Variants in ARHGEF17 observed in about 807,000 individuals in gnomAD.
The protein encoded by ARHGEF17 is Rho guanine nucleotide exchange factor 17, also known as 164 kDa Rho-specific guanine-nucleotide exchange factor.
A neutral mutation model predicts 174.0 loss-of-function variants in ARHGEF17; 80 were observed. That is an observed-to-expected ratio of 0.46 (90% confidence interval 0.38 to 0.55). The LOEUF (loss-of-function observed/expected upper bound fraction) is 0.55. Ranked by LOEUF, ARHGEF17 falls within the 20% of genes least tolerant of loss-of-function variation. ARHGEF17 has a pLI of 0.00. For missense variants in ARHGEF17, 2,886 were observed against 2,839.7 expected (o/e 1.02, Z -0.37); for synonymous variants, 1,311 against 1,189.1 (o/e 1.10, Z -2.11).
intron 1 of ARHGEF17, among the ~76,000 whole-genome samples, chr11:73,333,581 G>A (rs1361312142): frequency 6.6e-6 from 1 of 152,252 alleles, no homozygotes; most frequent in Non-Finnish European, 1.5e-5. Flanking sequence ...TGCCTGGTGT[G>A]ATGGGAGGGG....
Position 73,360,452 on chromosome 11 carries a change from G to C in ARHGEF17, c.4339G>C (p.Asp1447His), listed in dbSNP as rs754857828. ...ELCATRPEGT[D>H]SYIFEFPHPD... ...GTGCGCCACTCGGCCCGAGGGCACC[G>C]ACTCCTACATTTTTGAGTTCCCTCA... The change falls in exon 11 of 21, where the codon GAC (aspartate) becomes CAC (histidine). Residue 1447 changes from aspartate to histidine, a missense_variant. By Grantham distance (81) the Asp-to-His change is moderately conservative. This residue lies in a region of ARHGEF17 where 476 missense variants were observed against 473.1 expected (regional missense o/e 1.01). Transcript: ENST00000263674. 2 of 1,613,938 alleles carry C rather than the reference G, an allele frequency of 1.2e-6. No homozygotes were observed. The highest frequency in any genetic ancestry group is 2.7e-5 in the African/African-American group (2 of 74,952).
Position 73,310,441 on chromosome 11 carries a change from G to C in ARHGEF17, c.1803G>C (p.Lys601Asn). 1 of 1,614,012 alleles carries C rather than the reference G, an allele frequency of 6.2e-7. No homozygotes were observed. The highest frequency in any genetic ancestry group is 8.5e-7 in the Non-Finnish European group (1 of 1,180,028). Residue 601 changes from lysine to asparagine, a missense_variant, in exon 1 of 21, where the codon AAG (lysine) becomes AAC (asparagine). This residue lies in a region of ARHGEF17 where 1,728 missense variants were observed against 1,461.2 expected (regional missense o/e 1.18). Coordinates refer to ENST00000263674, the MANE Select transcript of ARHGEF17 (RefSeq NM_014786.4). ...AGGAGGCCCGCCAGGTTTTTGAGAA[G>C]ATCCAGCGCATGGGTGCCCAACAAG... Reference protein sequence around the residue: ...YVQEARQVFEKIQRMGAQQDD... With the variant: ...YVQEARQVFENIQRMGAQQDD...
intron 1 of ARHGEF17, among the ~76,000 whole-genome samples, chr11:73,320,054 A>G (rs1864991087): frequency 6.6e-6 from 1 of 150,482 alleles, no homozygotes; most frequent in African/African-American, 2.5e-5. Flanking sequence ...CTGAGGGCAG[A>G]ACTGAGAGCC....
At chr11:73,337,966 A>G (rs1175973748) in intron 1 of ARHGEF17, among the ~76,000 whole-genome samples, 2 of 152,170 alleles carry the variant, frequency 1.3e-5, no homozygotes, top group East Asian at 1.9e-4. Flanking sequence ...CTGAGGCTCT[A>G]AGGAGCTCTC....
chr11:73,360,579 C>T (rs1369539154), intron 11 of ARHGEF17, 46 bp downstream of exon 11: 1 of 1,599,178 alleles, frequency 6.3e-7, no homozygotes, highest in African/African-American at 1.3e-5. Flanking sequence ...AGCTTCCAGG[C>T]AGGAGGCCAG....
Position 73,310,636 on chromosome 11 carries a change from G to A in ARHGEF17, c.1998G>A (p.Gly666=). 1 of 1,614,120 alleles carries A rather than the reference G, an allele frequency of 6.2e-7. No homozygotes were observed. Among genetic ancestry groups the A allele is most frequent in the East Asian group, 2.2e-5 (1 of 44,884 alleles). The change falls in exon 1 of 21, where the codon GGG becomes GGA. Residue 666 remains glycine, a synonymous_variant. Transcript: ENST00000263674. ...VAAFCGLGTT[G]MWRPLSSSSA... is the part of the protein sequence containing the mutation. ...CATTTTGCGGCCTGGGTACCACAGGGATGTGGCGACCTCTTTCCTCATCCT... is the reference window on the plus strand; with the variant it reads ...CATTTTGCGGCCTGGGTACCACAGGAATGTGGCGACCTCTTTCCTCATCCT...
intron 1 of ARHGEF17, among the ~76,000 whole-genome samples, chr11:73,338,211 A>C (rs937410347): frequency 1.3e-5 from 2 of 152,112 alleles, no homozygotes; most frequent in Non-Finnish European, 2.9e-5. Flanking sequence ...TGGGAAGAAG[A>C]CAGAGTCCTC....
chr11:73,367,631 C>T lies in ARHGEF17; in HGVS notation c.6043C>T (p.Arg2015Ter). ...SLEHRDSPWH[R>*]GPAPARPKML... ...GGAGCACCGGGACTCCCCTTGGCACCGAGGCCCCGCCCCTGCCAGGCCTAA... is the reference window on the plus strand; with the variant it reads ...GGAGCACCGGGACTCCCCTTGGCACTGAGGCCCCGCCCCTGCCAGGCCTAA... Residue 2015 changes from arginine (R) to a stop codon, truncating the protein, a stop_gained, in exon 21 of 21, where the codon CGA becomes TGA. Transcript: ENST00000263674. LOFTEE classifies it high-confidence loss of function. 3 of 1,613,918 alleles carry T rather than the reference C, an allele frequency of 1.9e-6. No individual in the cohort carries two copies. Among genetic ancestry groups the T allele is most frequent in the Non-Finnish European group, 1.7e-6 (2 of 1,179,946 alleles).
In ARHGEF17 at chr11:73,311,772, C is replaced by T; in HGVS notation, c.3134C>T (p.Ala1045Val). Reference sequence around the variant, plus strand: ...TCTGCTGAGGCCAAGCCCCCTGAGGCAGCTCGGCCTGCAGATGAGCCTACC... The same window carrying T: ...TCTGCTGAGGCCAAGCCCCCTGAGGTAGCTCGGCCTGCAGATGAGCCTACC... ...PPSAEAKPPEAARPADEPTPA... is the reference protein window; with the variant it reads ...PPSAEAKPPEVARPADEPTPA... The change falls in exon 1 of 21, where the codon GCA (alanine) becomes GTA (valine). Residue 1045 changes from alanine (A) to valine (V), a missense_variant. This residue lies in a region of ARHGEF17 where 1,728 missense variants were observed against 1,461.2 expected (regional missense o/e 1.18). Transcript: ENST00000263674. The T allele has an allele frequency of 3.1e-6, 5 of 1,612,294 alleles. No homozygotes were observed. Among genetic ancestry groups the T allele is most frequent in the Non-Finnish European group, 4.2e-6 (5 of 1,179,430 alleles).
rs1864932443 is a variant in ARHGEF17, at chr11:73,316,593, T to C, written c.3192+4763T>C. Among the ~76,000 whole-genome samples the C allele has an allele frequency of 2.6e-5, 4 of 152,318 alleles. No homozygotes were observed. In the South Asian group the frequency reaches 6.2e-4, roughly 24 times the overall value. The stretch of plus-strand genomic sequence containing the variant: ...CAGGTGGCTGAGGGAAACAGCATTC[T>C]GGGCAGAGAGGAACAGCAGATGCAA... On this transcript the variant is annotated intron_variant, in intron 1 of 20. Coordinates refer to ENST00000263674, the MANE Select transcript of ARHGEF17 (RefSeq NM_014786.4).
rs371621703 is a variant in ARHGEF17 at position 73,311,164 on chromosome 11, C to T, written c.2526C>T (p.Phe842=). Residue 842 remains phenylalanine (F), a synonymous_variant, in exon 1 of 21, where the codon TTC becomes TTT. Coordinates refer to ENST00000263674, the MANE Select transcript of ARHGEF17 (RefSeq NM_014786.4). The part of the protein sequence containing the change: ...SRRGELAGPG[F]EGPGGEPIRE... The stretch of plus-strand genomic sequence containing the variant: ...GTGGGGAGCTGGCTGGGCCTGGATT[C>T]GAGGGCCCTGGAGGGGAGCCCATCC... 1.8e-5 allele frequency: 28 copies of T among 1,595,550 alleles called. No individual in the cohort carries two copies. The highest frequency in any genetic ancestry group is 6.7e-5 in the East Asian group (3 of 44,574).
intron 1 of ARHGEF17, among the ~76,000 whole-genome samples, chr11:73,333,182 A>G (rs1389426262): frequency 1.3e-5 from 2 of 152,196 alleles, no homozygotes; most frequent in Admixed American, 6.5e-5. Context: ...ACAAGACTAG[A>G]AAGACCCTGA....
At chr11:73,325,395 G>A (rs190862681) in intron 1 of ARHGEF17, among the ~76,000 whole-genome samples, 54 of 152,326 alleles carry the variant, frequency 3.5e-4, no homozygotes, top group Non-Finnish European at 6.5e-4. Context: ...TTGGGCTGGA[G>A]ATGTAGAGAG....
chr11:73,325,072 GC>G (rs1444828309), intron 1 of ARHGEF17, among the ~76,000 whole-genome samples: 1 of 152,134 alleles, frequency 6.6e-6, no homozygotes, highest in Non-Finnish European at 1.5e-5. Context: ...AGACAGGCAG[GC>G]CAGGCAGTGC....
chr11:73,343,850 C>T (rs1865416409), intron 1 of ARHGEF17, among the ~76,000 whole-genome samples: 1 of 152,160 alleles, frequency 6.6e-6, no homozygotes, highest in Admixed American at 6.5e-5. Context: ...GTAATTCTGT[C>T]CCCTCCCCGT....
Position 73,309,112 on chromosome 11 carries a change from G to A in ARHGEF17, c.474G>A (p.Trp158Ter). The A allele has an allele frequency of 6.4e-7, 1 of 1,564,178 alleles. No individual in the cohort carries two copies. Among genetic ancestry groups the A allele is most frequent in the South Asian group, 1.2e-5 (1 of 86,366 alleles). The change falls in exon 1 of 21, where the codon TGG (tryptophan) becomes TGA (stop). Residue 158 changes from tryptophan to a stop codon, truncating the protein, a stop_gained. Coordinates refer to ENST00000263674, the MANE Select transcript of ARHGEF17 (RefSeq NM_014786.4). LOFTEE classifies it high-confidence loss of function. ...CGCCCAGCCCCGACGGTGCCGCGTG[G>A]GAGCCTCCGGCTCGGGAGTCGCGGC... ...PGTPSPDGAAWEPPARESRQP... is the reference protein window; with the variant it reads ...PGTPSPDGAA
intron 1 of ARHGEF17, among the ~76,000 whole-genome samples, chr11:73,340,859 C>T (rs181520192): frequency 1.3e-5 from 2 of 152,186 alleles, no homozygotes; most frequent in Non-Finnish European, 2.9e-5. Context: ...TGTTCCAGAC[C>T]CCCTGCATGC....
At chr11:73,333,190 T>C (rs1419440028) in intron 1 of ARHGEF17, among the ~76,000 whole-genome samples, 3 of 152,200 alleles carry the variant, frequency 2.0e-5, no homozygotes, top group Non-Finnish European at 4.4e-5. Flanking sequence ...AGAAAGACCC[T>C]GAGTTTTAAA....
intron 2 of ARHGEF17, among the ~76,000 whole-genome samples, 153 bp from the exon 3 acceptor site, chr11:73,352,677 C>T (rs1182679708): frequency 6.6e-6 from 1 of 152,210 alleles, no homozygotes; most frequent in African/African-American, 2.4e-5. Context: ...CATCTCCCTC[C>T]TGGAGCTCTT....
Sources: gnomAD v4.1 joint callset for allele counts (sites outside exome capture counted in the v4.1 genomes callset) on GRCh38, gnomAD v4.1.1 for gene constraint, gnomAD v4.1.1 regional missense constraint, MANE v1.5 for transcripts, NCBI Gene and HGNC (gene_info 2026-07-23, HGNC 2026-07-21) for gene names.